The following CEP112 variants were observed in gnomAD, a reference collection of about 807,000 sequenced individuals.
CEP112 encodes the protein centrosomal protein 112, also known as centrosomal protein of 112 kDa.
A neutral mutation model predicts 153.0 loss-of-function variants in CEP112; 127 were observed. The ratio of observed to expected loss-of-function variants is 0.83; its 90% CI spans 0.72 to 0.96. The LOEUF is 0.96. CEP112 is among the 40% of genes least tolerant of loss of function. The pLI is 0.00. For missense variants in CEP112, 1,089 were observed against 1,101.2 expected (o/e 0.99, Z 0.16); for synonymous variants, 358 against 374.4 (o/e 0.96, Z 0.51).
chr17:65,643,269 T>G (rs372078019), intron 24 of CEP112, among the ~76,000 whole-genome samples: 2 of 151,644 alleles, frequency 1.3e-5, no homozygotes, highest in East Asian at 3.9e-4. Context: ...CTGCACGCCC[T>G]GGAAGGCCTC....
chr17:65,813,789 A>G lies in CEP112; in HGVS notation c.2394+38015T>C, dbSNP rs554803977. Among the ~76,000 whole-genome samples, 13 of 152,294 alleles carry G rather than the reference A, an allele frequency of 8.5e-5. No individual in the cohort carries two copies. In the East Asian group the frequency reaches 2.5e-3, roughly 29 times the overall value. On this transcript the variant is annotated intron_variant, in intron 21 of 26. Transcript: ENST00000535342. ...GCTTATTGTTTAATTTACACCAATTATTTTCAGGAATTTATTTGAGCACAA... is the reference window on the plus strand; with the variant it reads ...GCTTATTGTTTAATTTACACCAATTGTTTTCAGGAATTTATTTGAGCACAA...
At chr17:65,892,865 A>C (rs1180863673) in intron 20 of CEP112, among the ~76,000 whole-genome samples, 1 of 152,176 alleles carries the variant, frequency 6.6e-6, no homozygotes, top group Non-Finnish European at 1.5e-5. Flanking sequence ...GCTTTTCAGG[A>C]AACATTTGGT....
chr17:66,052,166 G>C (rs140056895), intron 12 of CEP112, among the ~76,000 whole-genome samples: 1 of 152,252 alleles, frequency 6.6e-6, no homozygotes, highest in East Asian at 1.9e-4. Flanking sequence ...CTTTACGACA[G>C]TGCAAAAGCA....
intron 18 of CEP112, among the ~76,000 whole-genome samples, chr17:65,955,945 A>G (rs1342321113): frequency 6.6e-6 from 1 of 152,184 alleles, no homozygotes; most frequent in African/African-American, 2.4e-5. Context: ...ACAGGTCATC[A>G]AGACAGAAAG....
intron 6 of CEP112, among the ~76,000 whole-genome samples, chr17:66,108,219 T>G (rs1334741827): frequency 6.6e-6 from 1 of 151,884 alleles, no homozygotes; most frequent in Non-Finnish European, 1.5e-5. Flanking sequence ...CTGGGGAAAC[T>G]CTCCAGGACA....
intron 5 of CEP112, 21 bp from the exon 6 acceptor site, chr17:66,129,844 A>AT (rs2070046505): frequency 6.7e-7 from 1 of 1,486,246 alleles, no homozygotes; most frequent in Admixed American, 1.7e-5. Flanking sequence ...AAAGGGAAAA[A>AT]GGAAGAGGAG....
At chr17:65,848,366 C>G (rs1221600518) in intron 21 of CEP112, among the ~76,000 whole-genome samples, 1 of 152,218 alleles carries the variant, frequency 6.6e-6, no homozygotes, top group South Asian at 2.1e-4. Flanking sequence ...CCTCATCCTT[C>G]CTGAGTTTGG....
At chr17:66,045,888 A>G (rs1170941097) in intron 12 of CEP112, among the ~76,000 whole-genome samples, 2 of 61,638 alleles carry the variant, frequency 3.2e-5, no homozygotes, top group South Asian at 1.5e-3. Flanking sequence ...AACTATACAA[A>G]GACATAAATT....
At chr17:65,972,873 C>A (rs769700263) in intron 17 of CEP112, among the ~76,000 whole-genome samples, 1 of 152,230 alleles carries the variant, frequency 6.6e-6, no homozygotes, top group Non-Finnish European at 1.5e-5. Context: ...TCAAGTGATT[C>A]TCATGCCTCA....
chr17:65,789,554 CT>C (rs2054477895), intron 21 of CEP112, among the ~76,000 whole-genome samples: 1 of 152,128 alleles, frequency 6.6e-6, no homozygotes, highest in South Asian at 2.1e-4. Context: ...CCCACTCTAC[CT>C]TTTATGCCTC....
chr17:65,799,348 C>T (rs1232740387), intron 21 of CEP112, among the ~76,000 whole-genome samples: 2 of 152,184 alleles, frequency 1.3e-5, no homozygotes, highest in Non-Finnish European at 2.9e-5. Context: ...CTCTACCTTA[C>T]CCACATACAT....
chr17:65,844,216 T>A (rs1246011656), intron 21 of CEP112, among the ~76,000 whole-genome samples: 1 of 152,202 alleles, frequency 6.6e-6, no homozygotes, highest in African/African-American at 2.4e-5. Context: ...TACTAATAAA[T>A]CTACAGACTA....
At chr17:65,718,563 TC>T (rs1408259539) in intron 23 of CEP112, among the ~76,000 whole-genome samples, 1 of 152,210 alleles carries the variant, frequency 6.6e-6, no homozygotes, top group Non-Finnish European at 1.5e-5. Context: ...AATGAGTATC[TC>T]CTAAATTCTA....
At chr17:65,757,268 G>A (rs193058204) in intron 21 of CEP112, among the ~76,000 whole-genome samples, 4 of 152,288 alleles carry the variant, frequency 2.6e-5, no homozygotes, top group Admixed American at 6.5e-5. Flanking sequence ...AGGGTGGGAC[G>A]AGGGGAGGAG....
intron 21 of CEP112, among the ~76,000 whole-genome samples, chr17:65,760,507 A>G: frequency 6.6e-6 from 1 of 152,076 alleles, no homozygotes; most frequent in Non-Finnish European, 1.5e-5. Context: ...TTCTGCATCT[A>G]TTAATATGAT....
chr17:65,852,132 T>G, intron 20 of CEP112, 98 bp from the exon 21 acceptor site: 13 of 715,450 alleles, frequency 1.8e-5, no homozygotes, highest in East Asian at 2.7e-5. Flanking sequence ...AATATGAACA[T>G]ATGGAATAGA....
At chr17:65,717,825 C>A (rs1352215594) in intron 23 of CEP112, among the ~76,000 whole-genome samples, 2 of 152,172 alleles carry the variant, frequency 1.3e-5, no homozygotes, top group Non-Finnish European at 2.9e-5. Context: ...GGGTCCCTGA[C>A]TTCTTGGCCA....
chr17:66,043,211 T>C, intron 12 of CEP112: 1 of 234,542 alleles, frequency 4.3e-6, no homozygotes. Flanking sequence ...ATTTCCCAAT[T>C]GTGAATGTAG....
chr17:66,168,092 G>A (rs1336029201), intron 4 of CEP112, among the ~76,000 whole-genome samples: 1 of 152,104 alleles, frequency 6.6e-6, no homozygotes, highest in Non-Finnish European at 1.5e-5. Flanking sequence ...TATTTCAGAA[G>A]GCAACTGAAC....
Sources: gnomAD v4.1 joint callset for allele counts (sites outside exome capture counted in the v4.1 genomes callset) on GRCh38, gnomAD v4.1.1 for gene constraint, MANE v1.5 for transcripts, NCBI Gene and HGNC (gene_info 2026-07-23, HGNC 2026-07-21) for gene names.